CNTN3: variants seen among roughly 807,000 people sequenced by gnomAD.
The protein encoded by CNTN3 is contactin-3.
In CNTN3, 60 loss-of-function variants were observed where a neutral mutation model predicts 119.1. The ratio of observed to expected loss-of-function variants is 0.50; its 90% CI spans 0.41 to 0.62. The LOEUF (loss-of-function observed/expected upper bound fraction) is 0.62. Among genes scored for constraint, CNTN3 ranks in the 20% least tolerant of loss-of-function variants. The pLI is 0.00. For missense variants in CNTN3, 1,101 were observed against 1,242.4 expected (o/e 0.89, Z 1.71); for synonymous variants, 450 against 438.7 (o/e 1.03, Z -0.32).
intron 20 of CNTN3, among the ~76,000 whole-genome samples, chr3:74,271,129 GTGA>G (rs1252163064): frequency 2.0e-5 from 3 of 152,150 alleles, no homozygotes; most frequent in African/African-American, 7.2e-5. Flanking sequence ...CTGAAAACAA[GTGA>G]TTACTATCAT....
At chr3:74,354,793 T>G (rs966511155) in intron 11 of CNTN3, among the ~76,000 whole-genome samples, 2 of 152,186 alleles carry the variant, frequency 1.3e-5, no homozygotes, top group African/African-American at 4.8e-5. Flanking sequence ...ACGTTTAGAA[T>G]AGTTGAGCAC....
chr3:74,298,539 T>C (rs952630432), intron 17 of CNTN3, among the ~76,000 whole-genome samples: 5 of 152,024 alleles, frequency 3.3e-5, no homozygotes, highest in African/African-American at 1.2e-4. Context: ...TATCTAATTC[T>C]TAATGTTGAC....
chr3:74,450,759 A>G (rs1183557447), intron 4 of CNTN3, among the ~76,000 whole-genome samples: 2 of 146,950 alleles, frequency 1.4e-5, no homozygotes, highest in Admixed American at 7.1e-5. Flanking sequence ...GAGAATATGC[A>G]GTGTTTGGTT....
At chr3:74,602,937 G>A (rs951399487) in intron 1 of CNTN3, among the ~76,000 whole-genome samples, 4 of 152,112 alleles carry the variant, frequency 2.6e-5, no homozygotes, top group African/African-American at 9.7e-5. Context: ...GCTCCTTAGA[G>A]ACAAAATCTG....
intron 1 of CNTN3, among the ~76,000 whole-genome samples, chr3:74,613,766 A>G (rs761993498): frequency 4.7e-4 from 72 of 152,248 alleles, no homozygotes; most frequent in South Asian, 1.9e-3. Flanking sequence ...TTAGCTTTGC[A>G]GGCTCCTCAG....
chr3:74,497,071 A>G (rs1703078911), intron 3 of CNTN3, among the ~76,000 whole-genome samples: 1 of 151,994 alleles, frequency 6.6e-6, no homozygotes, highest in South Asian at 2.1e-4. Context: ...ATGGCTCCTT[A>G]ATATTCCTCC....
intron 13 of CNTN3, among the ~76,000 whole-genome samples, chr3:74,305,313 A>G (rs890307484): frequency 6.6e-6 from 1 of 152,190 alleles, no homozygotes; most frequent in Non-Finnish European, 1.5e-5. Flanking sequence ...AAAGGAGTGT[A>G]GATTGGTACA....
At chr3:74,555,394 T>A (rs992049168) in intron 1 of CNTN3, among the ~76,000 whole-genome samples, 1 of 152,210 alleles carries the variant, frequency 6.6e-6, no homozygotes, top group Admixed American at 6.5e-5. Context: ...TGTGTATCTG[T>A]CAGGCTTTGG....
At chr3:74,520,822 C>G (rs949997668) in intron 2 of CNTN3, among the ~76,000 whole-genome samples, 2 of 151,316 alleles carry the variant, frequency 1.3e-5, no homozygotes, top group Non-Finnish European at 3.0e-5. Context: ...TACAGTAGAT[C>G]TGTAATATCA....
chr3:74,570,080 G>T (rs1199342839), intron 1 of CNTN3, among the ~76,000 whole-genome samples: 1 of 152,100 alleles, frequency 6.6e-6, no homozygotes, highest in African/African-American at 2.4e-5. Flanking sequence ...GCTTTAGAGG[G>T]TTCGTCCAAC....
intron 5 of CNTN3, among the ~76,000 whole-genome samples, chr3:74,380,653 T>C (rs1704592685): frequency 6.6e-6 from 1 of 152,224 alleles, no homozygotes; most frequent in African/African-American, 2.4e-5. Flanking sequence ...GCTTCTGGTT[T>C]ATCATTCCCA....
chr3:74,366,167 G>C (rs1205056596), intron 8 of CNTN3, among the ~76,000 whole-genome samples: 2 of 151,960 alleles, frequency 1.3e-5, no homozygotes, highest in Non-Finnish European at 2.9e-5. Context: ...TACAGCCGAG[G>C]AAAAAATATT....
chr3:74,560,918 G>A (rs757539952), intron 1 of CNTN3, among the ~76,000 whole-genome samples: 37 of 150,800 alleles, frequency 2.5e-4, no homozygotes, highest in Non-Finnish European at 3.4e-4. Flanking sequence ...GCAAACTATC[G>A]CAAGGACAAA....
chr3:74,273,323 T>C (rs4677382), intron 20 of CNTN3, among the ~76,000 whole-genome samples: 11,914 of 152,238 alleles, frequency 0.078, 605 homozygotes, highest in Admixed American at 0.12. Context: ...AGACTGCAGC[T>C]CCGACTCGGA....
At chr3:74,555,269 G>C (rs2107166681) in intron 1 of CNTN3, among the ~76,000 whole-genome samples, 1 of 152,310 alleles carries the variant, frequency 6.6e-6, no homozygotes, top group Non-Finnish European at 1.5e-5. Context: ...AAGTCGACTT[G>C]ATCGTAGTGG....
intron 13 of CNTN3, among the ~76,000 whole-genome samples, chr3:74,323,231 G>A (rs1423361982): frequency 6.6e-6 from 1 of 152,194 alleles, no homozygotes; most frequent in Non-Finnish European, 1.5e-5. Context: ...GAGGGTGTGT[G>A]TGTGGGAGGA....
chr3:74,535,856 A>G (rs1428944851), intron 1 of CNTN3, among the ~76,000 whole-genome samples: 2 of 152,072 alleles, frequency 1.3e-5, no homozygotes, highest in Non-Finnish European at 2.9e-5. Flanking sequence ...CAAACCAAAT[A>G]TATCTGCAAC....
chr3:74,453,993 T>C (rs1702213300), intron 4 of CNTN3, among the ~76,000 whole-genome samples: 1 of 149,902 alleles, frequency 6.7e-6, no homozygotes, highest in Non-Finnish European at 1.5e-5. Flanking sequence ...TTCTGTTGAT[T>C]TGGGGTGGAG....
intron 1 of CNTN3, among the ~76,000 whole-genome samples, chr3:74,590,080 C>T (rs538484066): frequency 6.0e-5 from 9 of 151,132 alleles, no homozygotes; most frequent in East Asian, 1.9e-4. Context: ...GCACATTGTG[C>T]GCATGTACCC....
Sources: gnomAD v4.1 joint callset for allele counts (sites outside exome capture counted in the v4.1 genomes callset) on GRCh38, gnomAD v4.1.1 for gene constraint, MANE v1.5 for transcripts, NCBI Gene and HGNC (gene_info 2026-07-23, HGNC 2026-07-21) for gene names.